LIMCH1: variants seen among roughly 807,000 people sequenced by gnomAD.
LIMCH1 encodes the protein LIM and calponin homology domains 1, also known as LIM and calponin homology domains-containing protein 1.
Under a neutral mutation model 176.5 loss-of-function variants are expected in LIMCH1, and 113 were observed. The ratio of observed to expected loss-of-function variants is 0.64; its 90% CI spans 0.55 to 0.75. The LOEUF is 0.75. Among genes scored for constraint, LIMCH1 ranks in the 30% least tolerant of loss-of-function variants. The pLI is 0.00. For missense variants in LIMCH1, 1,674 were observed against 1,814.9 expected (o/e 0.92, Z 1.41); for synonymous variants, 619 against 645.9 (o/e 0.96, Z 0.63).
intron 1 of LIMCH1, chr4:41,453,813 T>C (rs575185882): frequency 6.6e-6 from 1 of 152,346 alleles, no homozygotes; most frequent in East Asian, 1.9e-4. Flanking sequence ...CACTCACTTA[T>C]TTGTTATCTA....
chr4:41,603,201 C>T (rs577857664), intron 2 of LIMCH1, among the ~76,000 whole-genome samples: 7 of 152,066 alleles, frequency 4.6e-5, no homozygotes, highest in Non-Finnish European at 7.4e-5. Flanking sequence ...TATTTGTTGA[C>T]GTGTTAAAAA....
chr4:41,510,198 TC>T (rs746505429), intron 2 of LIMCH1, among the ~76,000 whole-genome samples: 92 of 152,334 alleles, frequency 6.0e-4, no homozygotes, highest in African/African-American at 2.1e-3. Flanking sequence ...ATATTAAAAT[TC>T]TCCTGACTTG....
intron 24 of LIMCH1, among the ~76,000 whole-genome samples, chr4:41,680,625 G>T (rs1018958645): frequency 6.6e-6 from 1 of 152,104 alleles, no homozygotes; most frequent in Non-Finnish European, 1.5e-5. Context: ...TCTAAAGTTT[G>T]TTCATGATTA....
intron 1 of LIMCH1, among the ~76,000 whole-genome samples, chr4:41,464,925 C>T (rs543393675): frequency 6.6e-6 from 1 of 152,040 alleles, no homozygotes; most frequent in Admixed American, 6.5e-5. Context: ...AATCTACTCC[C>T]TCATCACAGT....
At chr4:41,661,575 A>G in intron 19 of LIMCH1, 65 bp downstream of exon 19, 1 of 1,198,526 alleles carries the variant, frequency 8.3e-7, no homozygotes, top group Non-Finnish European at 1.2e-6. Flanking sequence ...TAATGGAAAT[A>G]GTCAAGAATT....
At chr4:41,612,965 A>G in intron 4 of LIMCH1, 1 of 1,544,966 alleles carries the variant, frequency 6.5e-7, no homozygotes, top group Non-Finnish European at 8.7e-7. Flanking sequence ...ATTTTACAGA[A>G]CTGATTCTGC....
chr4:41,616,082 C>T (rs1036835662), intron 5 of LIMCH1, among the ~76,000 whole-genome samples: 1 of 152,146 alleles, frequency 6.6e-6, no homozygotes, highest in Admixed American at 6.5e-5. Context: ...ACAAAACCCT[C>T]TACCCAGATG....
intron 18 of LIMCH1, among the ~76,000 whole-genome samples, 194 bp from the exon 19 acceptor site, chr4:41,661,226 A>G (rs1049951282): frequency 1.3e-5 from 2 of 152,178 alleles, no homozygotes; most frequent in Non-Finnish European, 1.5e-5. Context: ...GGTGAACCGC[A>G]TGGGTGTCCT....
chr4:41,484,423 T>G (rs1370634513), intron 1 of LIMCH1, among the ~76,000 whole-genome samples: 7 of 152,244 alleles, frequency 4.6e-5, no homozygotes, highest in Admixed American at 4.6e-4. Flanking sequence ...TACAAAGCAC[T>G]TCTGTAGAAT....
At chr4:41,561,354 TC>T (rs1439173704) in intron 1 of LIMCH1, among the ~76,000 whole-genome samples, 3 of 152,244 alleles carry the variant, frequency 2.0e-5, no homozygotes, top group Non-Finnish European at 4.4e-5. Context: ...AAATCTAGAT[TC>T]CAATTAACTT....
Position 41,631,327 on chromosome 4 carries a change from GGCTTA to G in LIMCH1, c.1454_1458del (p.Leu485HisfsTer7). 1 of 1,536,138 alleles carries G rather than the reference GGCTTA, an allele frequency of 6.5e-7. No individual in the cohort carries two copies. The highest frequency in any genetic ancestry group is 8.7e-7 in the Non-Finnish European group (1 of 1,146,904). Reference sequence around the variant, plus strand: ...GAGCTAGATCAGCAGAAATGGAAGCGGCTTAGCATTGGCAAGGCTGGGCCTAGAGA... The same window carrying G: ...GAGCTAGATCAGCAGAAATGGAAGCGGCATTGGCAAGGCTGGGCCTAGAGA... On this transcript the variant is annotated frameshift_variant, in exon 10 of 32. Transcript: ENST00000503057. LOFTEE classifies it high-confidence loss of function.
At chr4:41,600,453 G>C (rs932070501) in intron 2 of LIMCH1, among the ~76,000 whole-genome samples, 1 of 152,152 alleles carries the variant, frequency 6.6e-6, no homozygotes, top group African/African-American at 2.4e-5. Flanking sequence ...TGCTTGGAGG[G>C]TGAAGGAAAG....
chr4:41,566,147 G>A (rs563251487), intron 1 of LIMCH1, among the ~76,000 whole-genome samples: 1 of 152,228 alleles, frequency 6.6e-6, no homozygotes, highest in East Asian at 1.9e-4. Flanking sequence ...CAGGCCATAT[G>A]GGTGGTCATG....
intron 31 of LIMCH1, among the ~76,000 whole-genome samples, chr4:41,696,390 C>T (rs1264231434): frequency 6.6e-6 from 1 of 152,104 alleles, no homozygotes; most frequent in Non-Finnish European, 1.5e-5. Context: ...GCAATTGCCT[C>T]ATCACAACTG....
chr4:41,418,825 CTG>C (rs2060177063), intron 1 of LIMCH1: 1 of 151,978 alleles, frequency 6.6e-6, no homozygotes, highest in African/African-American at 2.4e-5. Context: ...GAGAGAGAAA[CTG>C]TGTTGGGGAG....
chr4:41,675,778 T>G (rs2095197733), intron 22 of LIMCH1, among the ~76,000 whole-genome samples: 1 of 152,156 alleles, frequency 6.6e-6, no homozygotes. Flanking sequence ...GCAAAAACCT[T>G]TTATTAATAC....
At chr4:41,696,173 C>G (rs914092582) in intron 31 of LIMCH1, among the ~76,000 whole-genome samples, 1 of 152,110 alleles carries the variant, frequency 6.6e-6, no homozygotes, top group African/African-American at 2.4e-5. Flanking sequence ...CTCCTAAAAG[C>G]AATGTAAACA....
intron 2 of LIMCH1, among the ~76,000 whole-genome samples, chr4:41,497,610 C>T (rs929441029): frequency 3.3e-5 from 5 of 152,010 alleles, no homozygotes; most frequent in Admixed American, 6.5e-5. Flanking sequence ...TCAAGACCAG[C>T]CTGGTCAACA....
chr4:41,522,398 G>T (rs1011800828), intron 2 of LIMCH1, among the ~76,000 whole-genome samples: 1 of 152,012 alleles, frequency 6.6e-6, no homozygotes. Context: ...AGTCTTTCAG[G>T]TTGCCTTCAG....
Sources: allele counts gnomAD v4.1 joint callset (sites outside exome capture counted in the v4.1 genomes callset), GRCh38; gene constraint gnomAD v4.1.1; transcripts MANE v1.5; gene names NCBI Gene and HGNC (gene_info 2026-07-23, HGNC 2026-07-21).